The following IPO11 variants were observed in gnomAD, a reference collection of about 807,000 sequenced individuals.
IPO11 encodes the protein importin-11.
A neutral mutation model predicts 143.2 loss-of-function variants in IPO11; 66 were observed. The observed-to-expected ratio is 0.46, with a 90% CI of 0.38 to 0.57. The LOEUF (loss-of-function observed/expected upper bound fraction) is 0.57, where lower values mean the gene tolerates loss of function less well. Ranked by LOEUF, IPO11 falls within the 20% of genes least tolerant of loss-of-function variation. The pLI, the probability that IPO11 is intolerant of heterozygous loss-of-function variation, is 0.00. For missense variants in IPO11, 1,026 were observed against 1,141.0 expected (o/e 0.90, Z 1.45); for synonymous variants, 385 against 377.8 (o/e 1.02, Z -0.22).
intron 1 of IPO11, chr5:62,413,272 A>G (rs1455478559): frequency 6.6e-6 from 1 of 152,250 alleles, no homozygotes; most frequent in Non-Finnish European, 1.5e-5. Context: ...GGTGGTGCAA[A>G]TTTTGAGATA....
At chr5:62,565,159 A>G (rs898064775) in intron 27 of IPO11, among the ~76,000 whole-genome samples, 3 of 152,206 alleles carry the variant, frequency 2.0e-5, no homozygotes, top group Admixed American at 6.5e-5. Flanking sequence ...ATACATAGTA[A>G]GTTTTGTATT....
intron 2 of IPO11, among the ~76,000 whole-genome samples, chr5:62,440,111 C>T (rs10063738): frequency 6.4e-4 from 98 of 152,078 alleles, no homozygotes; most frequent in Middle Eastern, 3.4e-3. Flanking sequence ...AGATTCTAGG[C>T]GTAAGACAAG....
chr5:62,608,881 T>C (rs1745830000), intron 29 of IPO11, among the ~76,000 whole-genome samples: 1 of 152,212 alleles, frequency 6.6e-6, no homozygotes, highest in African/African-American at 2.4e-5. Flanking sequence ...CGTAAGAGTT[T>C]CACTGCCTTC....
intron 29 of IPO11, among the ~76,000 whole-genome samples, chr5:62,611,266 C>A (rs1292727331): frequency 6.6e-6 from 1 of 151,976 alleles, no homozygotes; most frequent in Non-Finnish European, 1.5e-5. Context: ...TTAAAACAAT[C>A]CAAGAAGATA....
intron 1 of IPO11, among the ~76,000 whole-genome samples, chr5:62,435,088 A>ATGTG: frequency 1.2e-5 from 1 of 82,724 alleles, no homozygotes; most frequent in Non-Finnish European, 2.3e-5. Context: ...ATATGTGTAT[A>ATGTG]TATGTATATA....
chr5:62,538,593 T>C (rs2112327065), intron 24 of IPO11, among the ~76,000 whole-genome samples: 1 of 152,286 alleles, frequency 6.6e-6, no homozygotes, highest in East Asian at 1.9e-4. Context: ...CCTTCTGCCT[T>C]GATTGTAAGT....
At chr5:62,586,768 A>AAAAAAAAATAT (rs1554057003) in intron 27 of IPO11, among the ~76,000 whole-genome samples, 1 of 28,920 alleles carries the variant, frequency 3.5e-5, no homozygotes. Context: ...AAAAAAAAAA[A>AAAAAAAAATAT]ATATATATAT....
chr5:62,574,734 C>T lies in IPO11; in HGVS notation c.2582+13477C>T, dbSNP rs542399527. On this transcript the variant is annotated intron_variant, in intron 27 of 29. Coordinates refer to ENST00000325324, the MANE Select transcript of IPO11 (RefSeq NM_016338.5). The stretch of plus-strand genomic sequence containing the variant: ...CAATGAGGATGGTACCTAAAATTGT[C>T]CATGGAAATAAAATATGCTTCTCAG... Among the ~76,000 whole-genome samples, 3 of 152,164 alleles carry T rather than the reference C, an allele frequency of 2.0e-5. No individual in the cohort carries two copies. The South Asian group carries it at 6.2e-4, about 32-fold the overall frequency.
At chr5:62,455,779 G>A (rs572717709) in intron 5 of IPO11, among the ~76,000 whole-genome samples, 128 of 151,748 alleles carry the variant, frequency 8.4e-4, no homozygotes, top group African/African-American at 2.9e-3. Context: ...TTGAGAGAGA[G>A]AGAGGTGCTG....
intron 24 of IPO11, among the ~76,000 whole-genome samples, chr5:62,546,916 AAG>A (rs754940041): frequency 6.6e-6 from 1 of 152,156 alleles, no homozygotes; most frequent in Non-Finnish European, 1.5e-5. Flanking sequence ...ATCTAGCAAA[AAG>A]AGGAGGAGAG....
At chr5:62,568,446 C>T (rs2112379595) in intron 27 of IPO11, among the ~76,000 whole-genome samples, 1 of 151,254 alleles carries the variant, frequency 6.6e-6, no homozygotes, top group South Asian at 2.1e-4. Flanking sequence ...TGGTGGTGCA[C>T]ACCTGTAATC....
intron 15 of IPO11, 103 bp downstream of exon 15, chr5:62,490,323 A>G (rs1057337239): frequency 9.1e-6 from 6 of 658,444 alleles, no homozygotes; most frequent in South Asian, 5.7e-5. Context: ...AAAAAATGCA[A>G]TCGTATAAGT....
At chr5:62,623,360 A>G (rs963092678) in intron 29 of IPO11, among the ~76,000 whole-genome samples, 1 of 152,234 alleles carries the variant, frequency 6.6e-6, no homozygotes, top group African/African-American at 2.4e-5. Context: ...AGTGACAAAA[A>G]TTAAATTCAA....
At chr5:62,553,452 G>A (rs1020861373) in intron 26 of IPO11, among the ~76,000 whole-genome samples, 2 of 152,042 alleles carry the variant, frequency 1.3e-5, no homozygotes, top group Admixed American at 6.5e-5. Context: ...ATAAACATGA[G>A]GGAGCAGGTA....
chr5:62,445,242 A>G (rs1435418100), intron 3 of IPO11, among the ~76,000 whole-genome samples: 3 of 152,088 alleles, frequency 2.0e-5, no homozygotes, highest in African/African-American at 7.2e-5. Flanking sequence ...ATTTTCACAG[A>G]ATGAGAATTA....
chr5:62,469,563 T>C (rs2083522761), intron 6 of IPO11, among the ~76,000 whole-genome samples: 1 of 152,216 alleles, frequency 6.6e-6, no homozygotes. Flanking sequence ...AAATAATTGC[T>C]ATATTTTACA....
At chr5:62,451,310 T>C (rs895632699) in intron 4 of IPO11, among the ~76,000 whole-genome samples, 1 of 152,160 alleles carries the variant, frequency 6.6e-6, no homozygotes, top group Non-Finnish European at 1.5e-5. Context: ...AAAAATAAAA[T>C]ACTCATCAAC....
chr5:62,449,683 A>C, intron 3 of IPO11: 1 of 303,502 alleles, frequency 3.3e-6, no homozygotes, highest in South Asian at 1.1e-4. Context: ...CCAGTGTACA[A>C]GTAATAGAAA....
At chr5:62,464,190 G>A (rs1261495997) in intron 5 of IPO11, among the ~76,000 whole-genome samples, 1 of 122,112 alleles carries the variant, frequency 8.2e-6, no homozygotes, top group Non-Finnish European at 1.6e-5. Flanking sequence ...TTGCTCTGTC[G>A]CCAGGCTGGA....
Sources: allele counts gnomAD v4.1 joint callset (sites outside exome capture counted in the v4.1 genomes callset), GRCh38; gene constraint gnomAD v4.1.1; transcripts MANE v1.5; gene names NCBI Gene and HGNC (gene_info 2026-07-23, HGNC 2026-07-21).